ROR1: variants seen among roughly 807,000 people sequenced by gnomAD.
The protein encoded by ROR1 is inactive tyrosine-protein kinase transmembrane receptor ROR1.
Under a neutral mutation model 78.8 loss-of-function variants are expected in ROR1, and 19 were observed. The observed-to-expected ratio is 0.24, with a 90% CI of 0.17 to 0.35. The LOEUF is 0.35. ROR1 is among the 10% of genes least tolerant of loss of function. The pLI is 1.00. For missense variants in ROR1, 917 were observed against 1,177.8 expected, an observed-to-expected ratio of 0.78 and a Z score of 3.24; for synonymous variants, 386 against 433.6, an observed-to-expected ratio of 0.89 and a Z score of 1.36.
At chr1:64,102,234 C>G (rs565120440) in intron 4 of ROR1, among the ~76,000 whole-genome samples, 1 of 152,216 alleles carries the variant, frequency 6.6e-6, no homozygotes, top group Admixed American at 6.5e-5. Flanking sequence ...CAAGAAGGAG[C>G]GTGGAAAGTA....
chr1:63,803,400 G>C (rs552255959), intron 1 of ROR1, among the ~76,000 whole-genome samples: 163 of 151,506 alleles, frequency 1.1e-3, no homozygotes, highest in African/African-American at 3.9e-3. Flanking sequence ...CTGGAGTGCA[G>C]TGGCGCAATA....
intron 4 of ROR1, among the ~76,000 whole-genome samples, chr1:64,055,457 G>A (rs1290898476): frequency 6.6e-6 from 1 of 152,226 alleles, no homozygotes; most frequent in Admixed American, 6.5e-5. Flanking sequence ...AACTTTGACA[G>A]TATGCAGTTG....
At chr1:64,153,690 C>G (rs1312641363) in intron 7 of ROR1, among the ~76,000 whole-genome samples, 4 of 151,922 alleles carry the variant, frequency 2.6e-5, no homozygotes, top group South Asian at 2.1e-4. Flanking sequence ...ATATGCAGTA[C>G]CTAAAATAGT....
chr1:63,950,348 G>A (rs1645924678), intron 1 of ROR1, among the ~76,000 whole-genome samples: 1 of 152,164 alleles, frequency 6.6e-6, no homozygotes, highest in South Asian at 2.1e-4. Context: ...AGTTTTCTGG[G>A]AATTCTTCCT....
chr1:64,005,619 C>T (rs77169078), intron 1 of ROR1, among the ~76,000 whole-genome samples: 7,031 of 152,096 alleles, frequency 0.046, 550 homozygotes, highest in African/African-American at 0.16. Context: ...CCACTGGTGG[C>T]CATGGAATTG....
Position 63,784,797 on chromosome 1 carries a change from G to GTTGT in ROR1, c.91+10291_91+10294dup, listed in dbSNP as rs761789313. 4.6e-5 allele frequency among the ~76,000 whole-genome samples: 7 copies of GTTGT among 152,324 alleles called. No individual in the cohort carries two copies. The East Asian group carries it at 1.2e-3, about 25-fold the overall frequency. On this transcript the variant is annotated intron_variant, in intron 1 of 8. Transcript: ENST00000371079. Reference sequence around the variant, plus strand: ...TGGCACAGTGCCTGGGCCATAGTTGGTTGTTGGTGTGTGATCGAAGCTACA... The same window carrying GTTGT: ...TGGCACAGTGCCTGGGCCATAGTTGGTTGTTTGTTGGTGTGTGATCGAAGCTACA...
intron 1 of ROR1, among the ~76,000 whole-genome samples, chr1:63,878,537 G>T (rs958697043): frequency 2.6e-5 from 4 of 151,304 alleles, no homozygotes; most frequent in African/African-American, 9.7e-5. Context: ...AGCTTTCTTG[G>T]TTTAAAACTC....
rs527839674 is a variant in ROR1, at chr1:63,864,852, T to A, written c.91+90344T>A. On this transcript the variant is annotated intron_variant, in intron 1 of 8. Transcript: ENST00000371079. ...CTCAAAATTTCAAGGTTTTTTTTTT[T>A]AATTTTTTTATTTTTTTTCCTTTTG... Among the ~76,000 whole-genome samples the A allele has an allele frequency of 3.9e-3, 582 of 149,712 alleles. 2 individuals are homozygous for A. Among genetic ancestry groups the A allele is most frequent in the African/African-American group, 0.014 (544 of 39,786 alleles).
At position 63,887,732 on chromosome 1, in the gene ROR1, A is replaced by T. The variant is rs1240814766; in HGVS notation, c.91+113224A>T. Among the ~76,000 whole-genome samples the T allele has an allele frequency of 4.6e-5, 7 of 152,338 alleles. No homozygotes were observed. The South Asian group carries it at 1.2e-3, about 27-fold the overall frequency. On this transcript the variant is annotated intron_variant, in intron 1 of 8. Coordinates refer to ENST00000371079, the MANE Select transcript of ROR1 (RefSeq NM_005012.4). ...AAAAAAATCAGAAGGCTGGAGCTAG[A>T]AGCAGCTTTCTCCCATACCTTGAAC...
At chr1:64,177,138 A>C (rs1316813954) in intron 8 of ROR1, among the ~76,000 whole-genome samples, 1 of 152,212 alleles carries the variant, frequency 6.6e-6, no homozygotes, top group Non-Finnish European at 1.5e-5. Context: ...AGTTTGGGTG[A>C]TGCTGATGTT....
chr1:63,786,651 G>A (rs1569704841), intron 1 of ROR1, among the ~76,000 whole-genome samples: 1 of 150,728 alleles, frequency 6.6e-6, no homozygotes, highest in East Asian at 2.0e-4. Context: ...AGATAAGGTG[G>A]TCAAAACCTT....
intron 4 of ROR1, among the ~76,000 whole-genome samples, chr1:64,058,463 G>C (rs757749395): frequency 4.6e-5 from 7 of 151,550 alleles, no homozygotes; most frequent in Admixed American, 4.6e-4. Flanking sequence ...TGTTAGCTGC[G>C]TTTTTCCATA....
At chr1:63,894,215 G>C (rs958825492) in intron 1 of ROR1, among the ~76,000 whole-genome samples, 2 of 152,110 alleles carry the variant, frequency 1.3e-5, no homozygotes, top group Non-Finnish European at 2.9e-5. Context: ...GGGCAGGATG[G>C]AGCAGGATGG....
At position 64,049,674 on chromosome 1, in the gene ROR1, C is replaced by T. The variant is rs552318295; in HGVS notation, c.164-17C>T. ...AGCTGTCTGCCCCTCTCACCTGCCTCCTCTCTGTGCTCACAGATTCTTACC... is the reference window on the plus strand; with the variant it reads ...AGCTGTCTGCCCCTCTCACCTGCCTTCTCTCTGTGCTCACAGATTCTTACC... On this transcript the variant is annotated splice_polypyrimidine_tract_variant and intron_variant, in intron 2 of 8. Coordinates refer to ENST00000371079, the MANE Select transcript of ROR1 (RefSeq NM_005012.4). 43 of 1,607,510 alleles carry T rather than the reference C, an allele frequency of 2.7e-5. No individual in the cohort carries two copies. The highest frequency in any genetic ancestry group is 1.5e-4 in the African/African-American group (11 of 74,810).
chr1:63,814,352 C>G (rs1644877159), intron 1 of ROR1, among the ~76,000 whole-genome samples: 1 of 152,120 alleles, frequency 6.6e-6, no homozygotes, highest in African/African-American at 2.4e-5. Context: ...TGCAGCTATT[C>G]AGGCTGCCTA....
intron 1 of ROR1, among the ~76,000 whole-genome samples, chr1:63,926,359 G>A (rs1166199054): frequency 6.6e-6 from 1 of 151,988 alleles, no homozygotes; most frequent in Non-Finnish European, 1.5e-5. Flanking sequence ...GCTCTGTTCT[G>A]TTCCATTGAT....
intron 1 of ROR1, among the ~76,000 whole-genome samples, chr1:63,890,333 GC>G (rs1236303687): frequency 6.6e-6 from 1 of 151,302 alleles, no homozygotes; most frequent in Admixed American, 6.6e-5. Flanking sequence ...AATCTGTCCT[GC>G]CTAGGTTAAG....
At chr1:63,902,205 A>G (rs1645490548) in intron 1 of ROR1, among the ~76,000 whole-genome samples, 1 of 152,208 alleles carries the variant, frequency 6.6e-6, no homozygotes, top group African/African-American at 2.4e-5. Flanking sequence ...AGAAGGAAGA[A>G]TTGTCATATG....
At chr1:64,120,206 C>T (rs1307840942) in intron 4 of ROR1, among the ~76,000 whole-genome samples, 1 of 149,720 alleles carries the variant, frequency 6.7e-6, no homozygotes, top group East Asian at 1.9e-4. Context: ...AGGATTCTTT[C>T]CCATGAACAG....
Sources: gnomAD v4.1 joint callset for allele counts (sites outside exome capture counted in the v4.1 genomes callset) on GRCh38, gnomAD v4.1.1 for gene constraint, MANE v1.5 for transcripts, NCBI Gene and HGNC (gene_info 2026-07-23, HGNC 2026-07-21) for gene names.